The following ZNF354B variants were observed in gnomAD, a reference collection of about 807,000 sequenced individuals.
ZNF354B encodes zinc finger protein 354B.
ZNF354B carries 10 observed loss-of-function variants against 12.9 expected under a neutral mutation model. The ratio of observed to expected loss-of-function variants is 0.77; its 90% CI spans 0.48 to 1.31. The LOEUF is 1.31. Among genes scored for constraint, ZNF354B ranks in the 40% most tolerant of loss-of-function variants. The pLI is 0.00. For missense variants in ZNF354B, 614 were observed against 711.7 expected (o/e 0.86, Z 1.56); for synonymous variants, 260 against 243.7 (o/e 1.07, Z -0.62).
At chr5:178,861,547 C>G (rs1370303627) in intron 2 of ZNF354B, among the ~76,000 whole-genome samples, 1 of 152,168 alleles carries the variant, frequency 6.6e-6, no homozygotes, top group Non-Finnish European at 1.5e-5. Context: ...TTGCTTGTAT[C>G]ACTGTCTTGA....
In ZNF354B at chr5:178,883,815, A is replaced by G; in HGVS notation, c.1363A>G (p.Ile455Val). ...KALSSHSTLI[I>V]HERIHTGEKP... ...CTTAAGCTCCCACTCAACACTTATT[A>G]TTCATGAGCGAATTCATACTGGAGA... Residue 455 changes from isoleucine (I) to valine (V), a missense_variant, in exon 5 of 5, where the codon ATT becomes GTT. Coordinates refer to ENST00000322434, the MANE Select transcript of ZNF354B (RefSeq NM_058230.3). The G allele has an allele frequency of 6.2e-7, 1 of 1,614,146 alleles. No individual in the cohort carries two copies. The highest frequency in any genetic ancestry group is 1.3e-5 in the African/African-American group (1 of 75,068).
intron 2 of ZNF354B, among the ~76,000 whole-genome samples, chr5:178,865,457 C>G (rs905051510): frequency 1.3e-5 from 2 of 151,976 alleles, no homozygotes; most frequent in Admixed American, 1.3e-4. Context: ...TTAGTAGAGA[C>G]AGGGTTTCAC....
intron 3 of ZNF354B, 53 bp from the exon 4 acceptor site, chr5:178,866,923 G>T: frequency 6.4e-7 from 1 of 1,555,070 alleles, no homozygotes; most frequent in Non-Finnish European, 8.9e-7. Flanking sequence ...GGGATACTTT[G>T]TTGTGTCAAA....
intron 4 of ZNF354B, among the ~76,000 whole-genome samples, chr5:178,868,275 G>GA (rs1757495589): frequency 6.7e-6 from 1 of 149,414 alleles, no homozygotes; most frequent in Non-Finnish European, 1.5e-5. Context: ...CGAATTTCAG[G>GA]AAACAGCATT....
intron 1 of ZNF354B, 95 bp from the exon 2 acceptor site, chr5:178,860,902 C>A: frequency 2.0e-6 from 1 of 500,270 alleles, no homozygotes; most frequent in Non-Finnish European, 3.6e-6. Flanking sequence ...TGAGGGCGCG[C>A]GGGGTCCTTC....
intron 4 of ZNF354B, among the ~76,000 whole-genome samples, chr5:178,873,987 T>A (rs1263693235): frequency 2.8e-5 from 4 of 144,474 alleles, no homozygotes; most frequent in Admixed American, 7.0e-5. Context: ...TCTCACACAC[T>A]CTGCTGTCCG....
intron 2 of ZNF354B, among the ~76,000 whole-genome samples, chr5:178,862,556 G>A (rs1364621648): frequency 6.6e-6 from 1 of 152,016 alleles, no homozygotes; most frequent in Non-Finnish European, 1.5e-5. Flanking sequence ...TTTTAGTAGA[G>A]ACGGGGTTTC....
At chr5:178,863,847 T>G (rs978505412) in intron 2 of ZNF354B, among the ~76,000 whole-genome samples, 2 of 152,148 alleles carry the variant, frequency 1.3e-5, no homozygotes, top group African/African-American at 2.4e-5. Flanking sequence ...ATGTCCTAGT[T>G]TTTAACAAAA....
At chr5:178,862,003 A>G (rs935037799) in intron 2 of ZNF354B, among the ~76,000 whole-genome samples, 2 of 152,114 alleles carry the variant, frequency 1.3e-5, no homozygotes, top group African/African-American at 2.4e-5. Flanking sequence ...GTCTTAATAT[A>G]TTAATGTTAA....
chr5:178,861,669 G>A (rs980320888), intron 2 of ZNF354B, among the ~76,000 whole-genome samples: 72 of 152,032 alleles, frequency 4.7e-4, no homozygotes, highest in African/African-American at 1.7e-3. Flanking sequence ...GCAGGACACA[G>A]AAGACCCCTC....
At chr5:178,870,425 C>T (rs767974525) in intron 4 of ZNF354B, among the ~76,000 whole-genome samples, 5 of 152,174 alleles carry the variant, frequency 3.3e-5, no homozygotes, top group Admixed American at 1.3e-4. Context: ...CACAGGCACA[C>T]GCCACCATGC....
chr5:178,882,879 A>G lies in ZNF354B; in HGVS notation c.427A>G (p.Ile143Val). 6.2e-7 allele frequency: 1 copy of G among 1,600,984 alleles called. No individual in the cohort carries two copies. The highest frequency in any genetic ancestry group is 1.1e-5 in the South Asian group (1 of 87,010). ...KQQDKNENLQ[I>V]ISVAHTKILT... is the part of the protein sequence containing the mutation. Reference sequence around the variant, plus strand: ...GCAGGACAAAAATGAAAATTTACAAATAATTTCAGTTGCCCATACAAAAAT... The same window carrying G: ...GCAGGACAAAAATGAAAATTTACAAGTAATTTCAGTTGCCCATACAAAAAT... The change falls in exon 5 of 5, where the codon ATA becomes GTA. Residue 143 changes from isoleucine to valine, a missense_variant. By Grantham distance (29) the Ile-to-Val change is conservative. Coordinates refer to ENST00000322434, the MANE Select transcript of ZNF354B (RefSeq NM_058230.3).
At position 178,860,048 on chromosome 5, in the gene ZNF354B, A is replaced by C. The variant is rs991624238; in HGVS notation, c.-131A>C. 6.6e-6 allele frequency: 1 copy of C among 152,314 alleles called. No individual in the cohort carries two copies. Among genetic ancestry groups the C allele is most frequent in the African/African-American group, 2.4e-5 (1 of 41,422 alleles). The allele number at this position is 152,314 out of a possible 1,614,324, so 9.4% of individuals were successfully genotyped here. ...CTTGAGGTCGCCCAGACGTCGGAGG[A>C]GCCGGGTCACGAGGCTGGAGCTTCC... On this transcript the variant is annotated 5_prime_UTR_variant, in exon 1 of 5. Transcript: ENST00000322434.
At chr5:178,870,189 T>C (rs2114014837) in intron 4 of ZNF354B, among the ~76,000 whole-genome samples, 1 of 152,266 alleles carries the variant, frequency 6.6e-6, no homozygotes, top group South Asian at 2.1e-4. Context: ...GACAAAAACC[T>C]ACCCTTTGAA....
intron 4 of ZNF354B, among the ~76,000 whole-genome samples, chr5:178,882,470 C>T (rs981680854): frequency 1.3e-5 from 2 of 152,202 alleles, no homozygotes; most frequent in East Asian, 3.9e-4. Context: ...TCTGATCCTT[C>T]TGCTCCATTC....
Position 178,884,561 on chromosome 5 carries a change from A to C in ZNF354B, c.*270A>C. 1 of 275,842 alleles carries C rather than the reference A, an allele frequency of 3.6e-6. No individual in the cohort carries two copies. The highest frequency in any genetic ancestry group is 6.7e-6 in the Non-Finnish European group (1 of 149,862). The allele number at this position is 275,842 out of a possible 1,614,324, so 17.1% of individuals were successfully genotyped here. On this transcript the variant is annotated 3_prime_UTR_variant, in exon 5 of 5. Transcript: ENST00000322434. ...CTTTATATAATATATGCTATCTATG[A>C]CATGCAAAAAAGAAAAGTCTGGGTG...
intron 3 of ZNF354B, 58 bp from the exon 4 acceptor site, chr5:178,866,918 A>T: frequency 6.6e-7 from 1 of 1,526,500 alleles, no homozygotes; most frequent in Non-Finnish European, 9.1e-7. Context: ...ATCAAGGGAT[A>T]CTTTGTTGTG....
chr5:178,866,219 G>A (rs761574241), intron 2 of ZNF354B, 25 bp from the exon 3 acceptor site: 31 of 1,612,856 alleles, frequency 1.9e-5, no homozygotes, highest in Non-Finnish European at 1.4e-5. Flanking sequence ...GGTCCTGGGT[G>A]AGCTGGAACG....
intron 4 of ZNF354B, among the ~76,000 whole-genome samples, chr5:178,878,945 C>G (rs929491653): frequency 4.6e-5 from 7 of 152,074 alleles, no homozygotes; most frequent in Non-Finnish European, 8.8e-5. Flanking sequence ...AAATGATGCA[C>G]CCGCCTCAGC....
Sources: allele counts gnomAD v4.1 joint callset (sites outside exome capture counted in the v4.1 genomes callset), GRCh38; gene constraint gnomAD v4.1.1; transcripts MANE v1.5; gene names NCBI Gene and HGNC (gene_info 2026-07-23, HGNC 2026-07-21).